The following RAD50 variants were observed in gnomAD, a reference collection of about 807,000 sequenced individuals.
The protein encoded by RAD50 is DNA repair protein RAD50.
RAD50 carries 132 observed loss-of-function variants against 168.8 expected under a neutral mutation model. The observed-to-expected ratio is 0.78, with a 90% CI of 0.68 to 0.90. RAD50 has a LOEUF of 0.90. Among genes scored for constraint, RAD50 ranks in the 40% least tolerant of loss-of-function variants. RAD50 has a pLI of 0.00. For synonymous variants in RAD50, 525 were observed against 497.4 expected (o/e 1.06, Z -0.74); for missense variants, 1,347 against 1,534.4 (o/e 0.88, Z 2.04).
At chr5:132,637,822 G>T (rs1386777408) in intron 22 of RAD50, among the ~76,000 whole-genome samples, 5 of 152,122 alleles carry the variant, frequency 3.3e-5, no homozygotes, top group Non-Finnish European at 5.9e-5. Flanking sequence ...GTGAGCCACC[G>T]CGCCTGGCCT....
At chr5:132,594,740 A>G in intron 11 of RAD50, 129 bp from the exon 12 acceptor site, 1 of 961,556 alleles carries the variant, frequency 1.0e-6, no homozygotes, top group Non-Finnish European at 1.6e-6. Context: ...ACTTCTGAAA[A>G]AAATTATTTG....
intron 4 of RAD50, 95 bp downstream of exon 4, chr5:132,579,597 C>T: frequency 1.5e-6 from 2 of 1,323,598 alleles, no homozygotes; most frequent in Non-Finnish European, 2.1e-6. Flanking sequence ...ATTTAAAAAG[C>T]AGAAAGGTCA....
At chr5:132,563,905 C>G (rs763237754) in intron 2 of RAD50, among the ~76,000 whole-genome samples, 9 of 152,122 alleles carry the variant, frequency 5.9e-5, no homozygotes, top group African/African-American at 2.2e-4. Flanking sequence ...AGCACCTCCC[C>G]CTTCACTCTC....
chr5:132,600,651 A>C (rs1484434604), intron 13 of RAD50, among the ~76,000 whole-genome samples: 1 of 152,174 alleles, frequency 6.6e-6, no homozygotes, highest in Non-Finnish European at 1.5e-5. Flanking sequence ...CACCTCATTT[A>C]AATGCAAACT....
intron 19 of RAD50, among the ~76,000 whole-genome samples, chr5:132,611,687 CAG>C (rs1751089926): frequency 2.4e-5 from 3 of 123,832 alleles, no homozygotes; most frequent in Non-Finnish European, 4.8e-5. Context: ...GCCTGGGTGA[CAG>C]AGCCAGACTC....
intron 1 of RAD50, among the ~76,000 whole-genome samples, chr5:132,558,862 A>G (rs924460673): frequency 6.6e-6 from 1 of 152,148 alleles, no homozygotes; most frequent in African/African-American, 2.4e-5. Context: ...AGCCATGATC[A>G]TGCAGCTGCA....
chr5:132,595,103 G>A (rs1285624933), intron 12 of RAD50, 59 bp downstream of exon 12: 1 of 1,525,312 alleles, frequency 6.6e-7, no homozygotes, highest in Non-Finnish European at 9.0e-7. Flanking sequence ...TTCATTCACA[G>A]GTAACTGTTA....
intron 2 of RAD50, among the ~76,000 whole-genome samples, chr5:132,563,204 T>A (rs893450161): frequency 1.3e-5 from 2 of 152,208 alleles, no homozygotes; most frequent in African/African-American, 4.8e-5. Flanking sequence ...CTAGAGCATT[T>A]GTAGACTGTT....
intron 21 of RAD50, among the ~76,000 whole-genome samples, chr5:132,628,856 A>G (rs1430549567): frequency 1.3e-5 from 2 of 152,166 alleles, no homozygotes; most frequent in African/African-American, 2.4e-5. Context: ...TCAGAAAAAA[A>G]AAAGAAAAAG....
At chr5:132,636,571 A>G (rs1015613280) in intron 21 of RAD50, among the ~76,000 whole-genome samples, 2 of 152,254 alleles carry the variant, frequency 1.3e-5, no homozygotes, top group Non-Finnish European at 2.9e-5. Flanking sequence ...TAAAACCAAC[A>G]TAAGAAGCTG....
In RAD50 at chr5:132,591,358, C is replaced by G; in HGVS notation, c.1587C>G (p.Asn529Lys). ...RKLDQEMEQLNHHTTTRTQME... is the reference protein window; with the variant it reads ...RKLDQEMEQLKHHTTTRTQME... ...TTGACCAGGAGATGGAGCAGTTAAA[C>G]CATCATACAACAACACGTACCCAAA... The change falls in exon 10 of 25, where the codon AAC becomes AAG. Residue 529 changes from asparagine to lysine, a missense_variant. Around this residue, in one of 3 missense-constraint regions of RAD50, gnomAD observed 703 missense variants for 767.7 expected, o/e 0.92. Coordinates refer to ENST00000378823, the MANE Select transcript of RAD50 (RefSeq NM_005732.4). 6.2e-7 allele frequency: 1 copy of G among 1,613,926 alleles called. No homozygotes were observed. Among genetic ancestry groups the G allele is most frequent in the Non-Finnish European group, 8.5e-7 (1 of 1,179,936 alleles).
At chr5:132,589,949 CTTA>C in intron 9 of RAD50, 112 bp downstream of exon 9, 1 of 1,006,858 alleles carries the variant, frequency 9.9e-7, no homozygotes. Flanking sequence ...TCAACTTTGT[CTTA>C]TTCTCATGTA....
chr5:132,618,254 G>T lies in RAD50; in HGVS notation c.3349G>T (p.Val1117Leu), dbSNP rs759071832. 6.8e-6 allele frequency: 11 copies of T among 1,614,024 alleles called. No homozygotes were observed. The highest frequency in any genetic ancestry group is 9.3e-6 in the Non-Finnish European group (11 of 1,179,966). ...MMIVMRTTEL[V>L]NKDLDIYYKT... ...GATTGTTATGAGGACAACAGAACTT[G>T]TGAACAAGGATCTGGATATTTATTA... Residue 1117 changes from valine to leucine, a missense_variant, in exon 21 of 25, where the codon GTG becomes TTG. Physicochemically the swap from Val to Leu is conservative, Grantham distance 32. Coordinates refer to ENST00000378823, the MANE Select transcript of RAD50 (RefSeq NM_005732.4).
intron 16 of RAD50, 55 bp from the exon 17 acceptor site, chr5:132,608,560 C>T (rs1402498968): frequency 2.8e-6 from 4 of 1,410,204 alleles, no homozygotes; most frequent in African/African-American, 2.9e-5. Flanking sequence ...AAGTCTGACC[C>T]CTAAAGTAAG....
chr5:132,560,564 A>T (rs997218219), intron 2 of RAD50, among the ~76,000 whole-genome samples: 1 of 152,226 alleles, frequency 6.6e-6, no homozygotes, highest in Admixed American at 6.5e-5. Context: ...TCAAATGAGA[A>T]TTCCCTTATT....
intron 3 of RAD50, among the ~76,000 whole-genome samples, chr5:132,577,922 C>G (rs1750427552): frequency 6.9e-6 from 1 of 145,564 alleles, no homozygotes; most frequent in Non-Finnish European, 1.5e-5. Flanking sequence ...TTAAGCGATT[C>G]TCCTGCCTCA....
Position 132,609,310 on chromosome 5 carries a change from A to G in RAD50, c.2950A>G (p.Ile984Val), listed in dbSNP as rs1554099392. ...KQKETELNKV[I>V]AQLSECEKHK... is the part of the protein sequence containing the mutation. ...AAAAGAAACTGAACTTAATAAAGTA[A>G]TAGCTCAACTAAGTGAATGCGAGAA... The change falls in exon 19 of 25, where the codon ATA (isoleucine) becomes GTA (valine). Residue 984 changes from isoleucine (I) to valine (V), a missense_variant. Ile to Val is a conservative substitution (Grantham distance 29). Coordinates refer to ENST00000378823, the MANE Select transcript of RAD50 (RefSeq NM_005732.4). 1 of 1,613,454 alleles carries G rather than the reference A, an allele frequency of 6.2e-7. No individual in the cohort carries two copies. Among genetic ancestry groups the G allele is most frequent in the Non-Finnish European group, 8.5e-7 (1 of 1,179,798 alleles).
chr5:132,613,678 A>G (rs899111509), intron 19 of RAD50, among the ~76,000 whole-genome samples: 2 of 142,690 alleles, frequency 1.4e-5, no homozygotes, highest in Non-Finnish European at 3.0e-5. Context: ...ATCTCGGCTC[A>G]CTGCAACATT....
At chr5:132,628,410 A>G (rs1751405495) in intron 21 of RAD50, among the ~76,000 whole-genome samples, 3 of 152,246 alleles carry the variant, frequency 2.0e-5, no homozygotes, top group South Asian at 2.1e-4. Flanking sequence ...ATCTAATGCT[A>G]TTTGGAGTCA....
Sources: allele counts gnomAD v4.1 joint callset (sites outside exome capture counted in the v4.1 genomes callset), GRCh38; gene constraint gnomAD v4.1.1; regional missense constraint gnomAD v4.1.1; transcripts MANE v1.5; gene names NCBI Gene and HGNC (gene_info 2026-07-23, HGNC 2026-07-21).